NEGR1: variants seen among roughly 807,000 people sequenced by gnomAD.
NEGR1 encodes IgLON family member 4.
In NEGR1, 10 loss-of-function variants were observed where a neutral mutation model predicts 40.9. That is an observed-to-expected ratio of 0.24 (90% confidence interval 0.15 to 0.42). The LOEUF (loss-of-function observed/expected upper bound fraction) is 0.42, where lower values mean the gene tolerates loss of function less well. NEGR1 is among the 10% of genes least tolerant of loss of function. NEGR1 has a pLI of 1.00. For synonymous variants in NEGR1, 185 were observed against 166.8 expected, an observed-to-expected ratio of 1.11 and a Z score of -0.84; for missense variants, 352 against 438.9, an observed-to-expected ratio of 0.80 and a Z score of 1.77.
At chr1:71,871,629 C>T (rs1660281180) in intron 2 of NEGR1, among the ~76,000 whole-genome samples, 1 of 152,196 alleles carries the variant, frequency 6.6e-6, no homozygotes. Flanking sequence ...CATATCAATA[C>T]ATGACAAGTT....
At chr1:71,941,645 A>G (rs1019515198) in intron 1 of NEGR1, among the ~76,000 whole-genome samples, 3 of 152,240 alleles carry the variant, frequency 2.0e-5, no homozygotes, top group African/African-American at 7.2e-5. Flanking sequence ...TCATCCTTAG[A>G]GATGATAAGA....
chr1:71,835,009 G>T (rs1018747180), intron 2 of NEGR1, among the ~76,000 whole-genome samples: 4 of 151,762 alleles, frequency 2.6e-5, no homozygotes, highest in Non-Finnish European at 4.4e-5. Context: ...TGCCAATCTG[G>T]ACCAGGCTGG....
At chr1:72,080,541 A>C (rs893175512) in intron 1 of NEGR1, among the ~76,000 whole-genome samples, 2 of 152,118 alleles carry the variant, frequency 1.3e-5, no homozygotes, top group African/African-American at 4.8e-5. Context: ...TAAATTTTCT[A>C]AAAGTATAGT....
At chr1:72,088,648 T>G (rs980336480) in intron 1 of NEGR1, among the ~76,000 whole-genome samples, 1 of 152,156 alleles carries the variant, frequency 6.6e-6, no homozygotes, top group Non-Finnish European at 1.5e-5. Context: ...ACTAGAATAA[T>G]GTATAATGTG....
intron 2 of NEGR1, among the ~76,000 whole-genome samples, chr1:71,805,436 A>G (rs551046441): frequency 1.3e-5 from 2 of 152,144 alleles, no homozygotes; most frequent in South Asian, 2.1e-4. Flanking sequence ...CAGTTTTAAA[A>G]TTTCTCTCTT....
chr1:71,917,393 G>A (rs913931951), intron 2 of NEGR1, among the ~76,000 whole-genome samples: 4 of 152,124 alleles, frequency 2.6e-5, no homozygotes, highest in African/African-American at 4.8e-5. Flanking sequence ...GCTTCAGTAT[G>A]TTACATGAAA....
intron 2 of NEGR1, among the ~76,000 whole-genome samples, chr1:71,874,468 CTCTA>C (rs1254959600): frequency 1.3e-5 from 2 of 152,276 alleles, no homozygotes; most frequent in South Asian, 2.1e-4. Context: ...GTTTGTGGGT[CTCTA>C]TCTTCTTCAA....
At chr1:72,135,102 C>T (rs569192401) in intron 1 of NEGR1, among the ~76,000 whole-genome samples, 2 of 148,196 alleles carry the variant, frequency 1.3e-5, no homozygotes, top group East Asian at 4.3e-4. Context: ...TTCGGCCGGG[C>T]GTGGTGGCTC....
At chr1:71,898,868 TATATATATTGCAA>T (rs1661047284) in intron 2 of NEGR1, among the ~76,000 whole-genome samples, 1 of 78,810 alleles carries the variant, frequency 1.3e-5, no homozygotes, top group Non-Finnish European at 2.8e-5. Context: ...ATATTGCAAA[TATATATATTGCAA>T]ATATATATAT....
chr1:71,981,441 T>C (rs1646353562), intron 1 of NEGR1, among the ~76,000 whole-genome samples: 1 of 152,136 alleles, frequency 6.6e-6, no homozygotes, highest in African/African-American at 2.4e-5. Flanking sequence ...GTTCCAACAC[T>C]TGAAGGAACT....
In NEGR1 at chr1:71,933,201, T is replaced by C. The variant is rs559790757; in HGVS notation, c.409+1878A>G. 6.6e-5 allele frequency among the ~76,000 whole-genome samples: 10 copies of C among 152,112 alleles called. No homozygotes were observed. The South Asian group carries it at 1.7e-3, about 25-fold the overall frequency. On this transcript the variant is annotated intron_variant, in intron 2 of 6. Coordinates refer to ENST00000357731, the MANE Select transcript of NEGR1 (RefSeq NM_173808.3). ...CAAAAAAGAGTACTATAGTAAGACA[T>C]GTAGCAGTTTTAAAAACGTGAACAA...
At chr1:72,030,234 A>C (rs1273814333) in intron 1 of NEGR1, among the ~76,000 whole-genome samples, 1 of 150,918 alleles carries the variant, frequency 6.6e-6, no homozygotes. Flanking sequence ...TTGCTCTGTC[A>C]CCCAAGCTGC....
At chr1:71,894,706 T>C (rs1660916992) in intron 2 of NEGR1, among the ~76,000 whole-genome samples, 2 of 152,230 alleles carry the variant, frequency 1.3e-5, no homozygotes, top group Non-Finnish European at 2.9e-5. Context: ...AATCCTTCTT[T>C]AACAAAACTT....
chr1:72,175,050 C>G (rs1477553823), intron 1 of NEGR1, among the ~76,000 whole-genome samples: 1 of 151,888 alleles, frequency 6.6e-6, no homozygotes, highest in East Asian at 1.9e-4. Context: ...ATGTGCCATG[C>G]TGGTGTGCTG....
chr1:71,768,429 T>G (rs952297073), intron 3 of NEGR1, among the ~76,000 whole-genome samples: 6 of 152,108 alleles, frequency 3.9e-5, no homozygotes, highest in Admixed American at 1.3e-4. Flanking sequence ...GCATAGGGCC[T>G]GTATCCTTCC....
chr1:71,967,788 A>G (rs552665250), intron 1 of NEGR1, among the ~76,000 whole-genome samples: 1 of 152,336 alleles, frequency 6.6e-6, no homozygotes, highest in South Asian at 2.1e-4. Flanking sequence ...GAGTAAATAT[A>G]GCAAATGTCT....
rs894840498 is a variant in NEGR1, at chr1:71,491,158, G to A, written c.941-83588C>T. ...TACTAAACATGTAGACATTTTTATT[G>A]TCATTATTCCCTAAACAATACAACA... On this transcript the variant is annotated intron_variant, in intron 6 of 6. Transcript: ENST00000357731. Among the ~76,000 whole-genome samples, 11 of 151,994 alleles carry A rather than the reference G, an allele frequency of 7.2e-5. No homozygotes were observed. The East Asian group carries it at 1.2e-3, about 16-fold the overall frequency.
chr1:72,048,377 C>T (rs1647022456), intron 1 of NEGR1, among the ~76,000 whole-genome samples: 1 of 134,990 alleles, frequency 7.4e-6, no homozygotes, highest in African/African-American at 2.9e-5. Context: ...AATTGCTTAA[C>T]AGTACATCAT....
intron 1 of NEGR1, among the ~76,000 whole-genome samples, chr1:72,183,212 T>C (rs1275242661): frequency 6.6e-6 from 1 of 152,124 alleles, no homozygotes; most frequent in Non-Finnish European, 1.5e-5. Flanking sequence ...TAGCTGACTG[T>C]CAGCCTCCAG....
Sources: gnomAD v4.1 joint callset for allele counts (sites outside exome capture counted in the v4.1 genomes callset) on GRCh38, gnomAD v4.1.1 for gene constraint, MANE v1.5 for transcripts, NCBI Gene and HGNC (gene_info 2026-07-23, HGNC 2026-07-21) for gene names.